LINGO2: variants seen among roughly 807,000 people sequenced by gnomAD.
The protein encoded by LINGO2 is leucine rich repeat and Ig domain containing 2.
A neutral mutation model predicts 30.6 loss-of-function variants in LINGO2; 14 were observed. That is an observed-to-expected ratio of 0.46 (90% CI 0.30 to 0.72). The LOEUF (loss-of-function observed/expected upper bound fraction) is 0.72. Ranked by LOEUF, LINGO2 falls within the 30% of genes least tolerant of loss-of-function variation. The pLI, the probability that LINGO2 is intolerant of heterozygous loss-of-function variation, is 0.07. For missense variants in LINGO2, 729 were observed against 751.7 expected, an observed-to-expected ratio of 0.97 and a Z score of 0.35; for synonymous variants, 317 against 288.5, an observed-to-expected ratio of 1.10 and a Z score of -1.00.
At chr9:28,848,397 G>GTGTGTGTATATATATA in the LINGO2 span, among the ~76,000 whole-genome samples, 10 of 48,440 alleles carry the variant, frequency 2.1e-4, no homozygotes, top group South Asian at 1.7e-3. Flanking sequence ...GTGTGTGTGT[G>GTGTGTGTATATATATA]TATATATATA....
the LINGO2 span, among the ~76,000 whole-genome samples, chr9:28,685,968 A>G: frequency 6.9e-6 from 1 of 145,206 alleles, no homozygotes; most frequent in African/African-American, 2.7e-5. Context: ...TTTATATATA[A>G]CATATATGAT....
intron 4 of LINGO2, among the ~76,000 whole-genome samples, chr9:28,262,254 T>C (rs539357152): frequency 8.4e-6 from 1 of 118,598 alleles, no homozygotes; most frequent in East Asian, 2.5e-4. Flanking sequence ...CACCTACTAG[T>C]CCTTACTGAA....
At chr9:28,436,519 GCA>G (rs1823936700) in intron 2 of LINGO2, among the ~76,000 whole-genome samples, 1 of 151,642 alleles carries the variant, frequency 6.6e-6, no homozygotes, top group African/African-American at 2.4e-5. Context: ...ATGCAGTGGC[GCA>G]GTCTCGGCTC....
chr9:28,581,635 T>C (rs551939497), intron 1 of LINGO2, among the ~76,000 whole-genome samples: 1 of 151,880 alleles, frequency 6.6e-6, no homozygotes. Flanking sequence ...AAATGCCTTA[T>C]ATGTTCAAAA....
At chr9:28,020,060 T>C (rs957769616) in intron 4 of LINGO2, among the ~76,000 whole-genome samples, 2 of 152,062 alleles carry the variant, frequency 1.3e-5, no homozygotes, top group African/African-American at 2.4e-5. Context: ...TTCATAGAAA[T>C]AGCCAAGCCT....
At chr9:28,088,376 T>C (rs1006918856) in intron 4 of LINGO2, among the ~76,000 whole-genome samples, 9 of 152,040 alleles carry the variant, frequency 5.9e-5, no homozygotes, top group Non-Finnish European at 1.2e-4. Flanking sequence ...CTATGCCCTT[T>C]AGACTCTGGC....
intron 1 of LINGO2, among the ~76,000 whole-genome samples, chr9:28,570,472 G>A (rs912562616): frequency 1.3e-5 from 2 of 151,674 alleles, no homozygotes; most frequent in South Asian, 2.1e-4. Context: ...CTGTCTATGC[G>A]ATAAAAAAAT....
the LINGO2 span, among the ~76,000 whole-genome samples, chr9:29,056,162 C>T: frequency 6.6e-6 from 1 of 151,918 alleles, no homozygotes; most frequent in Non-Finnish European, 1.5e-5. Context: ...AATGGTAGTT[C>T]TTTAAGGAAT....
At chr9:28,795,679 G>T in the LINGO2 span, among the ~76,000 whole-genome samples, 1 of 151,896 alleles carries the variant, frequency 6.6e-6, no homozygotes, top group East Asian at 1.9e-4. Context: ...CATCCATATT[G>T]TGGAACATGT....
chr9:28,954,202 C>T, the LINGO2 span, among the ~76,000 whole-genome samples: 2 of 152,096 alleles, frequency 1.3e-5, no homozygotes, highest in African/African-American at 4.8e-5. Context: ...ATGCCAAATA[C>T]CTTAAGCCTC....
the LINGO2 span, among the ~76,000 whole-genome samples, chr9:28,694,327 G>T: frequency 6.6e-6 from 1 of 151,880 alleles, no homozygotes; most frequent in African/African-American, 2.4e-5. Flanking sequence ...GGATGAGAAA[G>T]AAACTTTTTA....
chr9:28,740,447 TC>T, the LINGO2 span, among the ~76,000 whole-genome samples: 4 of 152,082 alleles, frequency 2.6e-5, no homozygotes, highest in South Asian at 8.3e-4. Flanking sequence ...AAACATATCT[TC>T]CTTTGGAATT....
the LINGO2 span, among the ~76,000 whole-genome samples, chr9:28,919,216 A>G: frequency 6.6e-6 from 1 of 152,146 alleles, no homozygotes; most frequent in Admixed American, 6.6e-5. Context: ...AGTGAAGCTG[A>G]CACGTCTAAT....
chr9:28,787,718 T>G, the LINGO2 span, among the ~76,000 whole-genome samples: 1 of 152,198 alleles, frequency 6.6e-6, no homozygotes, highest in Admixed American at 6.5e-5. Flanking sequence ...ATAAATAATT[T>G]AAGTAATATT....
chr9:28,682,284 C>G, the LINGO2 span, among the ~76,000 whole-genome samples: 3 of 152,290 alleles, frequency 2.0e-5, no homozygotes, highest in African/African-American at 7.2e-5. Flanking sequence ...CTCATGGAAC[C>G]TAACTATTAA....
At chr9:28,820,181 C>T in the LINGO2 span, among the ~76,000 whole-genome samples, 1 of 150,910 alleles carries the variant, frequency 6.6e-6, no homozygotes, top group South Asian at 2.1e-4. Flanking sequence ...TGAGTTTTTT[C>T]CTGAGCATTA....
chr9:27,951,609 T>C (rs528275661), intron 5 of LINGO2, among the ~76,000 whole-genome samples: 1 of 152,276 alleles, frequency 6.6e-6, no homozygotes, highest in African/African-American at 2.4e-5. Context: ...GAAATGAGTA[T>C]GTTTTAAATG....
At chr9:28,338,948 C>T (rs1475834431) in intron 3 of LINGO2, among the ~76,000 whole-genome samples, 1 of 152,000 alleles carries the variant, frequency 6.6e-6, no homozygotes, top group East Asian at 1.9e-4. Context: ...AACAAACAAA[C>T]AAACAAACGT....
chr9:28,122,137 G>C (rs1478797452), intron 4 of LINGO2, among the ~76,000 whole-genome samples: 1 of 152,078 alleles, frequency 6.6e-6, no homozygotes, highest in Non-Finnish European at 1.5e-5. Context: ...CAACTGTCTT[G>C]AGACAGTACA....
Sources: allele counts gnomAD v4.1 joint callset (sites outside exome capture counted in the v4.1 genomes callset), GRCh38; gene constraint gnomAD v4.1.1; transcripts MANE v1.5; gene names NCBI Gene and HGNC (gene_info 2026-07-23, HGNC 2026-07-21).